Variants in JMY observed in about 807,000 individuals in gnomAD.
JMY encodes the protein junction-mediating and -regulatory protein.
A neutral mutation model predicts 103.3 loss-of-function variants in JMY; 46 were observed. The observed-to-expected ratio is 0.45, with a 90% confidence interval of 0.35 to 0.57. The LOEUF (loss-of-function observed/expected upper bound fraction) is 0.57, where lower values mean the gene tolerates loss of function less well. JMY is among the 20% of genes least tolerant of loss of function. The probability of loss-of-function intolerance (pLI) is 0.00; values close to 1 mark genes in which losing one functional copy is unlikely to be tolerated. For synonymous variants in JMY, 526 were observed against 489.3 expected, an observed-to-expected ratio of 1.07 and a Z score of -0.99; for missense variants, 1,238 against 1,255.2, an observed-to-expected ratio of 0.99 and a Z score of 0.21.
intron 1 of JMY, among the ~76,000 whole-genome samples, chr5:79,273,862 G>T (rs1044849394): frequency 6.6e-6 from 1 of 151,592 alleles, no homozygotes; most frequent in Non-Finnish European, 1.5e-5. Context: ...ATGGAGTCTC[G>T]CTCTGTTGCC....
At chr5:79,258,760 A>G (rs985573517) in intron 1 of JMY, among the ~76,000 whole-genome samples, 1 of 152,098 alleles carries the variant, frequency 6.6e-6, no homozygotes, top group Non-Finnish European at 1.5e-5. Flanking sequence ...GCAGCGCCTT[A>G]AAGAGGGTGT....
chr5:79,314,059 A>T (rs1005190278), intron 8 of JMY, among the ~76,000 whole-genome samples, 198 bp from the exon 9 acceptor site: 1 of 152,180 alleles, frequency 6.6e-6, no homozygotes, highest in Admixed American at 6.5e-5. Context: ...GGGTTTCACC[A>T]TGTCGGCCAG....
rs1409643954 is a variant in JMY, at chr5:79,316,208, A to G, written c.2868A>G (p.Leu956=). Residue 956 remains leucine (L), a synonymous_variant, in exon 10 of 11, where the codon CTA becomes CTG. Coordinates refer to ENST00000396137, the MANE Select transcript of JMY (RefSeq NM_152405.5). The stretch of plus-strand genomic sequence containing the variant: ...CACTTCTACCCGATACAGACCCTCT[A>G]ACACGGAGCATCCATGAAGCTCTTA... The part of the protein sequence containing the change: ...SFTLLPDTDP[L]TRSIHEALRR... 6.2e-7 allele frequency: 1 copy of G among 1,613,920 alleles called. No homozygotes were observed. Among genetic ancestry groups the G allele is most frequent in the Non-Finnish European group, 8.5e-7 (1 of 1,179,916 alleles).
chr5:79,253,582 G>A (rs1403194742), intron 1 of JMY, among the ~76,000 whole-genome samples: 3 of 152,138 alleles, frequency 2.0e-5, no homozygotes, highest in Non-Finnish European at 4.4e-5. Flanking sequence ...GTGAGCCACC[G>A]CCCAGCCTGG....
At chr5:79,283,832 A>G (rs1171016043) in intron 2 of JMY, among the ~76,000 whole-genome samples, 3 of 152,350 alleles carry the variant, frequency 2.0e-5, no homozygotes, top group African/African-American at 4.8e-5. Flanking sequence ...GAAACAGCTT[A>G]GGGATTTCAC....
chr5:79,316,360 T>G, intron 10 of JMY, 50 bp downstream of exon 10: 1 of 1,398,626 alleles, frequency 7.1e-7, no homozygotes, highest in East Asian at 2.5e-5. Flanking sequence ...AGGTTTTATA[T>G]CGGATGATGA....
At chr5:79,278,191 G>A (rs569244274) in intron 2 of JMY, 108 bp downstream of exon 2, 5 of 848,106 alleles carry the variant, frequency 5.9e-6, no homozygotes, top group African/African-American at 3.5e-5. Flanking sequence ...AAAAAAAGAA[G>A]GTACCTGGTC....
chr5:79,307,681 C>T (rs1430989037), intron 7 of JMY, among the ~76,000 whole-genome samples: 3 of 152,082 alleles, frequency 2.0e-5, no homozygotes, highest in Admixed American at 6.6e-5. Context: ...AGCGAAAGAG[C>T]GCATCTGTCC....
Position 79,237,150 on chromosome 5 carries a change from C to T in JMY, c.500C>T (p.Ala167Val), listed in dbSNP as rs1014514672. ...ADDAAGAAAAAARPAPREAQV... is the reference protein window; with the variant it reads ...ADDAAGAAAAVARPAPREAQV... Reference sequence around the variant, plus strand: ...GATGCGGCGGGGGCAGCCGCTGCAGCAGCCCGGCCGGCGCCCAGAGAGGCC... The same window carrying T: ...GATGCGGCGGGGGCAGCCGCTGCAGTAGCCCGGCCGGCGCCCAGAGAGGCC... The change falls in exon 1 of 11, where the codon GCA becomes GTA. Residue 167 changes from alanine to valine, a missense_variant. Physicochemically the swap from Ala to Val is moderately conservative, Grantham distance 64. Transcript: ENST00000396137. 4 of 1,547,610 alleles carry T rather than the reference C, an allele frequency of 2.6e-6. No homozygotes were observed. In the Admixed American group the frequency reaches 5.9e-5, roughly 23 times the overall value.
chr5:79,267,666 T>C (rs1745623534), intron 1 of JMY, among the ~76,000 whole-genome samples: 1 of 152,230 alleles, frequency 6.6e-6, no homozygotes, highest in Non-Finnish European at 1.5e-5. Flanking sequence ...CCTCTTACCT[T>C]GCTCTCACAA....
At chr5:79,307,089 C>T (rs1393934648) in intron 7 of JMY, among the ~76,000 whole-genome samples, 6 of 152,080 alleles carry the variant, frequency 3.9e-5, no homozygotes. Flanking sequence ...CTTGATAGCT[C>T]ATTTTAACAC....
At chr5:79,281,379 T>TTC (rs1746109232) in intron 2 of JMY, among the ~76,000 whole-genome samples, 1 of 91,856 alleles carries the variant, frequency 1.1e-5, no homozygotes, top group Non-Finnish European at 2.5e-5. Flanking sequence ...TTTTTTTTTT[T>TTC]ACTTTTAAAA....
intron 1 of JMY, among the ~76,000 whole-genome samples, chr5:79,258,306 TTTTTGTTG>T (rs1246553590): frequency 4.1e-5 from 5 of 122,980 alleles, no homozygotes; most frequent in Non-Finnish European, 8.8e-5. Flanking sequence ...GCTTTTTTTG[TTTTTGTTG>T]TTTTTTTTTT....
chr5:79,312,647 G>A, intron 8 of JMY, 149 bp downstream of exon 8: 2 of 415,618 alleles, frequency 4.8e-6, no homozygotes, highest in Non-Finnish European at 8.6e-6. Context: ...TTTTAAAATT[G>A]TTTTAATGGC....
At chr5:79,272,389 A>G (rs115145981) in intron 1 of JMY, among the ~76,000 whole-genome samples, 46 of 151,410 alleles carry the variant, frequency 3.0e-4, no homozygotes, top group Middle Eastern at 3.5e-3. Flanking sequence ...ATTTAGGTCT[A>G]TTTGTTTTCT....
At position 79,325,668 on chromosome 5, in the gene JMY, G is replaced by A. The variant is rs1408380815; in HGVS notation, c.*4066G>A. ...TTTAGTGCTACTGAACAATTCAGTAGTTATTTCTGAACTTTGCTGCAAAGT... is the reference window on the plus strand; with the variant it reads ...TTTAGTGCTACTGAACAATTCAGTAATTATTTCTGAACTTTGCTGCAAAGT... On this transcript the variant is annotated 3_prime_UTR_variant, in exon 11 of 11. Transcript: ENST00000396137. 1 of 152,198 alleles carries A rather than the reference G, an allele frequency of 6.6e-6. No homozygotes were observed. Among genetic ancestry groups the A allele is most frequent in the Non-Finnish European group, 1.5e-5 (1 of 68,024 alleles). The allele number at this position is 152,198 out of a possible 1,614,324, so 9.4% of individuals were successfully genotyped here.
Position 79,300,865 on chromosome 5 carries a change from T to C in JMY, c.1881+2T>C. The C allele has an allele frequency of 6.3e-7, 1 of 1,582,944 alleles. No individual in the cohort carries two copies. Among genetic ancestry groups the C allele is most frequent in the Non-Finnish European group, 8.6e-7 (1 of 1,167,426 alleles). On this transcript the variant is annotated splice_donor_variant, in intron 6 of 10. Coordinates refer to ENST00000396137, the MANE Select transcript of JMY (RefSeq NM_152405.5). LOFTEE classifies it high-confidence loss of function. The stretch of plus-strand genomic sequence containing the variant: ...AAATCCTACCTCAGAAATAAAAAGG[T>C]ATTTAAATATTGCTTTTGTTCATTA...
chr5:79,300,969 C>T, intron 6 of JMY, 106 bp downstream of exon 6: 1 of 923,742 alleles, frequency 1.1e-6, no homozygotes, highest in Non-Finnish European at 1.6e-6. Context: ...TAAGTAAGCA[C>T]TATCTCTTAT....
intron 1 of JMY, among the ~76,000 whole-genome samples, chr5:79,274,037 A>G (rs767604025): frequency 1.3e-5 from 2 of 151,768 alleles, no homozygotes; most frequent in Non-Finnish European, 2.9e-5. Flanking sequence ...CACCATGTTA[A>G]CCAGGATGGT....
Sources: gnomAD v4.1 joint callset for allele counts (sites outside exome capture counted in the v4.1 genomes callset) on GRCh38, gnomAD v4.1.1 for gene constraint, MANE v1.5 for transcripts, NCBI Gene and HGNC (gene_info 2026-07-23, HGNC 2026-07-21) for gene names.